The following KMT2C variants were observed in gnomAD, a reference collection of about 807,000 sequenced individuals.
The protein encoded by KMT2C is histone-lysine N-methyltransferase 2C.
A neutral mutation model predicts 507.9 loss-of-function variants in KMT2C; 88 were observed. The ratio of observed to expected loss-of-function variants is 0.17; its 90% CI spans 0.15 to 0.21. The LOEUF is 0.21. KMT2C is among the 10% of genes least tolerant of loss of function. The probability of loss-of-function intolerance (pLI) is 1.00; values close to 1 mark genes in which losing one functional copy is unlikely to be tolerated. For missense variants in KMT2C, 4,954 were observed against 5,957.8 expected, an observed-to-expected ratio of 0.83 and a Z score of 5.55; for synonymous variants, 2,049 against 2,080.8, an observed-to-expected ratio of 0.98 and a Z score of 0.42.
At chr7:152,421,833 C>A (rs549095101) in intron 1 of KMT2C, among the ~76,000 whole-genome samples, 2 of 151,966 alleles carry the variant, frequency 1.3e-5, no homozygotes, top group East Asian at 3.9e-4. Flanking sequence ...TAAGCCTCAG[C>A]GACACGCAAT....
chr7:152,372,843 A>C lies in KMT2C; in HGVS notation c.162-14168T>G, dbSNP rs373736129. On this transcript the variant is annotated intron_variant, in intron 1 of 58. Transcript: ENST00000262189. ...TTAATAAGGAAACACAGACTTGAAC[A>C]TTACAGACTAAATGGACCTAACAGA... Among the ~76,000 whole-genome samples, 3 of 152,336 alleles carry C rather than the reference A, an allele frequency of 2.0e-5. No homozygotes were observed. In the East Asian group the frequency reaches 5.8e-4, roughly 29 times the overall value.
intron 18 of KMT2C, among the ~76,000 whole-genome samples, chr7:152,226,003 T>C (rs553933985): frequency 6.6e-6 from 1 of 152,164 alleles, no homozygotes; most frequent in South Asian, 2.1e-4. Flanking sequence ...TACAACTATA[T>C]TGGGAGAAGG....
Position 152,322,884 on chromosome 7 carries a change from C to T in KMT2C, c.390-7546G>A, listed in dbSNP as rs529632765. 9.2e-5 allele frequency among the ~76,000 whole-genome samples: 14 copies of T among 152,120 alleles called. No homozygotes were observed. In the East Asian group the frequency reaches 2.7e-3, roughly 29 times the overall value. ...TGAACAGACATTTCTCAAAAGAACA[C>T]ATACAAATGGCCAACAGGTACATGA... On this transcript the variant is annotated intron_variant, in intron 3 of 58. Coordinates refer to ENST00000262189, the MANE Select transcript of KMT2C (RefSeq NM_170606.3).
intron 14 of KMT2C, among the ~76,000 whole-genome samples, chr7:152,246,602 C>G (rs1173397826): frequency 2.6e-5 from 4 of 151,816 alleles, no homozygotes; most frequent in Non-Finnish European, 5.9e-5. Context: ...ATATATCAAC[C>G]AAAAGTAAAT....
At chr7:152,319,908 C>A (rs1309130875) in intron 3 of KMT2C, among the ~76,000 whole-genome samples, 1 of 152,136 alleles carries the variant, frequency 6.6e-6, no homozygotes, top group African/African-American at 2.4e-5. Flanking sequence ...CGTGACCTTA[C>A]CTATCACTGG....
At chr7:152,250,738 A>T in intron 12 of KMT2C, 115 bp downstream of exon 12, 1 of 600,538 alleles carries the variant, frequency 1.7e-6, no homozygotes, top group Non-Finnish European at 3.0e-6. Context: ...TTACTAAAAA[A>T]CTCTTCCTAA....
At position 152,215,076 on chromosome 7, in the gene KMT2C, G is replaced by GAA. The variant is rs200885322; in HGVS notation, c.3712+5445_3712+5446dup. 4.3e-3 allele frequency among the ~76,000 whole-genome samples: 632 copies of GAA among 146,524 alleles called. 7 individuals carry two copies. The highest frequency in any genetic ancestry group is 0.015 in the African/African-American group (597 of 40,134). ...TCAGATATGTGTAATAAAAATAAAT[G>GAA]AAAAAAAAAACTGTATCCTACCTGC... On this transcript the variant is annotated intron_variant, in intron 23 of 58. Coordinates refer to ENST00000262189, the MANE Select transcript of KMT2C (RefSeq NM_170606.3).
chr7:152,225,171 G>A (rs1158089615), intron 18 of KMT2C, among the ~76,000 whole-genome samples: 1 of 151,922 alleles, frequency 6.6e-6, no homozygotes, highest in African/African-American at 2.4e-5. Flanking sequence ...AGAATATTTG[G>A]GAATCTCCAA....
intron 6 of KMT2C, among the ~76,000 whole-genome samples, chr7:152,285,200 A>G (rs76121999): frequency 0.047 from 5,191 of 110,222 alleles, no homozygotes; most frequent in South Asian, 0.14. Context: ...TGCTAAGTAA[A>G]AAAAGGCAGA....
intron 6 of KMT2C, among the ~76,000 whole-genome samples, chr7:152,281,976 T>C (rs1398316051): frequency 5.3e-5 from 8 of 152,058 alleles, no homozygotes; most frequent in East Asian, 1.9e-4. Flanking sequence ...GTTTACGTAA[T>C]GGTTTTTATT....
intron 2 of KMT2C, among the ~76,000 whole-genome samples, chr7:152,357,974 A>G (rs1223132180): frequency 1.3e-5 from 2 of 152,216 alleles, no homozygotes; most frequent in East Asian, 3.8e-4. Flanking sequence ...AACTTTACCA[A>G]TGAGAGACTA....
intron 52 of KMT2C, among the ~76,000 whole-genome samples, chr7:152,147,330 G>T (rs555775928): frequency 6.6e-6 from 1 of 151,930 alleles, no homozygotes; most frequent in Non-Finnish European, 1.5e-5. Flanking sequence ...ATTGTCTTAT[G>T]ACAATGTATA....
At chr7:152,172,317 A>G (rs768862192) in intron 39 of KMT2C, among the ~76,000 whole-genome samples, 1 of 152,228 alleles carries the variant, frequency 6.6e-6, no homozygotes, top group Non-Finnish European at 1.5e-5. Context: ...TACCTGATAC[A>G]TGACTAATGT....
intron 1 of KMT2C, among the ~76,000 whole-genome samples, chr7:152,428,592 T>C (rs938211937): frequency 6.6e-6 from 1 of 151,140 alleles, no homozygotes; most frequent in Admixed American, 6.6e-5. Context: ...GATCACACCA[T>C]TGCACTCTAG....
chr7:152,340,376 T>C (rs1249623311), intron 2 of KMT2C, among the ~76,000 whole-genome samples: 1 of 152,068 alleles, frequency 6.6e-6, no homozygotes, highest in African/African-American at 2.4e-5. Flanking sequence ...CTACTAAAAC[T>C]ACAGAAGAAA....
At chr7:152,268,781 C>T (rs2095905596) in intron 7 of KMT2C, among the ~76,000 whole-genome samples, 1 of 152,098 alleles carries the variant, frequency 6.6e-6, no homozygotes, top group African/African-American at 2.4e-5. Context: ...ATTATACTTT[C>T]CTAGGAACAC....
chr7:152,265,248 AATTTAAATTTTTTCTGACTAT>A, intron 7 of KMT2C, 39 bp from the exon 8 acceptor site: 1 of 1,606,588 alleles, frequency 6.2e-7, no homozygotes, highest in South Asian at 1.1e-5. Flanking sequence ...GTTGTATAAG[AATTTAAATTTTTTCTGACTAT>A]ACAGTAAAAT....
intron 1 of KMT2C, among the ~76,000 whole-genome samples, chr7:152,434,686 T>C (rs1352082758): frequency 6.6e-6 from 1 of 152,046 alleles, no homozygotes; most frequent in Admixed American, 6.6e-5. Flanking sequence ...AGCCGAGCAG[T>C]TCGCTGGCAC....
rs1257468562 is a variant in KMT2C at position 152,215,470 on chromosome 7, T to C, written c.3712+5053A>G. Among the ~76,000 whole-genome samples the C allele has an allele frequency of 1.0e-4, 13 of 125,906 alleles. No individual in the cohort carries two copies. The Admixed American group carries it at 1.2e-3, about 11-fold the overall frequency. The allele number at this position is 125,906 out of a possible 152,430, so 82.6% of individuals were successfully genotyped here. A position where few individuals can be genotyped will look rare whatever the true frequency, so the allele number is the denominator to read the frequency against. ...CGGAGCTTGCAGTGAGCAAAGATCGTGCCACTGCACTCCAGCCTGGGCGAC... is the reference window on the plus strand; with the variant it reads ...CGGAGCTTGCAGTGAGCAAAGATCGCGCCACTGCACTCCAGCCTGGGCGAC... On this transcript the variant is annotated intron_variant, in intron 23 of 58. Transcript: ENST00000262189.
Sources: gnomAD v4.1 joint callset for allele counts (sites outside exome capture counted in the v4.1 genomes callset) on GRCh38, gnomAD v4.1.1 for gene constraint, MANE v1.5 for transcripts, NCBI Gene and HGNC (gene_info 2026-07-23, HGNC 2026-07-21) for gene names.